ZNF462: variants seen among roughly 807,000 people sequenced by gnomAD.
ZNF462 encodes the protein zinc finger PBX1-interacting protein.
ZNF462 carries 10 observed loss-of-function variants against 201.9 expected under a neutral mutation model. The ratio of observed to expected loss-of-function variants is 0.05; its 90% CI spans 0.03 to 0.08. The LOEUF is 0.08. Ranked by LOEUF, ZNF462 falls within the 10% of genes least tolerant of loss-of-function variation. The pLI is 1.00. For missense variants in ZNF462, 2,523 were observed against 3,168.3 expected (o/e 0.80, Z 4.89); for synonymous variants, 1,227 against 1,193.3 (o/e 1.03, Z -0.58).
chr9:106,934,560 G>C (rs1430185642), intron 5 of ZNF462, among the ~76,000 whole-genome samples: 2 of 152,278 alleles, frequency 1.3e-5, no homozygotes, highest in East Asian at 3.9e-4. Context: ...ACTCTCTGAT[G>C]GGTTTGTTTA....
Position 106,974,495 on chromosome 9 carries a change from T to A in ZNF462, c.6832+222T>A. On this transcript the variant is annotated intron_variant, in intron 9 of 12. Transcript: ENST00000277225. This position sits in a 1 kb window ranked among gnomAD's most constrained non-coding sequence, Gnocchi z 4.0. ...CCTGGAGGGAGGCAAAGGTGATGGA[T>A]TCTGCAGTGAACATTTCCGTAGGGC... The A allele has an allele frequency of 7.9e-6, 5 of 635,972 alleles. No homozygotes were observed. The highest frequency in any genetic ancestry group is 1.4e-5 in the Non-Finnish European group (5 of 361,450). The allele number at this position is 635,972 out of a possible 1,614,324, so 39.4% of individuals were successfully genotyped here.
At position 106,981,054 on chromosome 9, in the gene ZNF462, A is replaced by T. The variant is rs1269712205; in HGVS notation, c.6833-3132A>T. Among the ~76,000 whole-genome samples, 4 of 152,070 alleles carry T rather than the reference A, an allele frequency of 2.6e-5. No individual in the cohort carries two copies. The highest frequency in any genetic ancestry group is 4.4e-5 in the Non-Finnish European group (3 of 68,002). ...TTAAAGTCTGTCTTTTTTTATTTTT[A>T]TCTTGGTCATGTTAACCATGTTTTT... On this transcript the variant is annotated intron_variant, in intron 9 of 12. Transcript: ENST00000277225. This position sits in a 1 kb window ranked among gnomAD's most constrained non-coding sequence, Gnocchi z 4.0.
rs1490928850 is a variant in ZNF462, at chr9:106,933,281, A to G, written c.6116+732A>G. 1 of 152,604 alleles carries G rather than the reference A, an allele frequency of 6.6e-6. No individual in the cohort carries two copies. The highest frequency in any genetic ancestry group is 1.5e-5 in the Non-Finnish European group (1 of 68,344). The allele number at this position is 152,604 out of a possible 1,614,324, so 9.5% of individuals were successfully genotyped here. On this transcript the variant is annotated intron_variant, in intron 5 of 12. Coordinates refer to ENST00000277225, the MANE Select transcript of ZNF462 (RefSeq NM_021224.6). This position sits in a 1 kb window ranked among gnomAD's most constrained non-coding sequence, Gnocchi z 4.3. ...AACAATTTTTTTAATGAAATAAATG[A>G]TGGACTATTTGCTTCTTACAAAAGA...
intron 11 of ZNF462, among the ~76,000 whole-genome samples, chr9:107,004,707 C>A (rs1334463000): frequency 6.6e-6 from 1 of 152,034 alleles, no homozygotes; most frequent in African/African-American, 2.4e-5. Flanking sequence ...ACCTCACATA[C>A]TTGTCATTTT....
At chr9:106,882,384 CAG>C (rs1413413380) in intron 1 of ZNF462, among the ~76,000 whole-genome samples, 2 of 152,196 alleles carry the variant, frequency 1.3e-5, no homozygotes, top group East Asian at 1.9e-4. Context: ...ATATCTGAAA[CAG>C]AATAGTCTCT....
rs1829934161 is a variant in ZNF462, at chr9:106,920,192, T to C, written c.-30-3162T>C. 6.6e-6 allele frequency among the ~76,000 whole-genome samples: 1 copy of C among 152,068 alleles called. No homozygotes were observed. The highest frequency in any genetic ancestry group is 1.5e-5 in the Non-Finnish European group (1 of 68,004). On this transcript the variant is annotated intron_variant, in intron 1 of 12. Transcript: ENST00000277225. The surrounding 1 kb of genome is among the most constrained non-coding windows in gnomAD (Gnocchi z 4.3). ...GGTTTCTTAGAGGATTACCATCTGC[T>C]GCAAAAACATATGAATGGGTCATCG...
chr9:106,870,867 A>C lies in ZNF462; in HGVS notation c.-31+7512A>C, dbSNP rs1014298687. On this transcript the variant is annotated intron_variant, in intron 1 of 12. Transcript: ENST00000277225. The surrounding 1 kb of genome is among the most constrained non-coding windows in gnomAD (Gnocchi z 4.3). ...TCTTAAGTTCTCGTCTGAGCAGTTGAACCAGAACACACGCTAAGGCCTCCA... is the reference window on the plus strand; with the variant it reads ...TCTTAAGTTCTCGTCTGAGCAGTTGCACCAGAACACACGCTAAGGCCTCCA... Among the ~76,000 whole-genome samples, 2 of 152,192 alleles carry C rather than the reference A, an allele frequency of 1.3e-5. No homozygotes were observed. The highest frequency in any genetic ancestry group is 2.9e-5 in the Non-Finnish European group (2 of 68,028).
At chr9:106,914,961 T>C (rs1215412329) in intron 1 of ZNF462, among the ~76,000 whole-genome samples, 1 of 152,094 alleles carries the variant, frequency 6.6e-6, no homozygotes, top group African/African-American at 2.4e-5. Flanking sequence ...GGAATGAATT[T>C]AATCAGGAAA....
Position 106,972,390 on chromosome 9 carries a change from T to A in ZNF462, c.6695+118T>A, listed in dbSNP as rs1169782260. ...CTTATGGGAGGCCCTGCCCATGTGA[T>A]GATGTAGGGGTTGGGTCCAGGCTTC... On this transcript the variant is annotated intron_variant, in intron 8 of 12. Coordinates refer to ENST00000277225, the MANE Select transcript of ZNF462 (RefSeq NM_021224.6). The surrounding 1 kb of genome is among the most constrained non-coding windows in gnomAD (Gnocchi z 4.8). The A allele has an allele frequency of 7.1e-7, 1 of 1,414,370 alleles. No individual in the cohort carries two copies. Among genetic ancestry groups the A allele is most frequent in the African/African-American group, 1.4e-5 (1 of 69,598 alleles). 87.6% of individuals were successfully genotyped at this position (1,414,370 alleles called of 1,614,324 possible). A position where few individuals can be genotyped will look rare whatever the true frequency, so the allele number is the denominator to read the frequency against.
In ZNF462 at chr9:106,927,523, C is replaced by G. The variant is rs964846716; in HGVS notation, c.3611C>G (p.Thr1204Arg). 1 of 1,613,724 alleles carries G rather than the reference C, an allele frequency of 6.2e-7. No individual in the cohort carries two copies. Among genetic ancestry groups the G allele is most frequent in the South Asian group, 1.1e-5 (1 of 91,040 alleles). Residue 1204 changes from threonine (T) to arginine (R), a missense_variant, in exon 3 of 13, where the codon ACG becomes AGG. Thr to Arg is a moderately conservative substitution (Grantham distance 71). Coordinates refer to ENST00000277225, the MANE Select transcript of ZNF462 (RefSeq NM_021224.6). Reference sequence around the variant, plus strand: ...CAGCACTGTGATTATGGGAACCGGACGGTCAAAGGGGTACTCATTCATTAT... The same window carrying G: ...CAGCACTGTGATTATGGGAACCGGAGGGTCAAAGGGGTACTCATTCATTAT... Reference protein sequence around the residue: ...FCQHCDYGNRTVKGVLIHYQK... With the variant: ...FCQHCDYGNRRVKGVLIHYQK...
rs1411644965 is a variant in ZNF462, at chr9:107,013,538, AAAAC to A, written c.*2512_*2515del. ...AAGCCAAGGGTTTAAAAACAAAACA[AAAAC>A]AAAAAAAACCACAAGTAGGTTATTC... On this transcript the variant is annotated 3_prime_UTR_variant, in exon 13 of 13. Coordinates refer to ENST00000277225, the MANE Select transcript of ZNF462 (RefSeq NM_021224.6). 6.6e-6 allele frequency: 1 copy of A among 152,224 alleles called. No individual in the cohort carries two copies. Among genetic ancestry groups the A allele is most frequent in the Non-Finnish European group, 1.5e-5 (1 of 68,036 alleles). 9.4% of individuals were successfully genotyped at this position (152,224 alleles called of 1,614,324 possible).
Position 106,954,060 on chromosome 9 carries a change from A to G in ZNF462, c.6427+14953A>G, listed in dbSNP as rs557010261. Among the ~76,000 whole-genome samples, 11 of 152,264 alleles carry G rather than the reference A, an allele frequency of 7.2e-5. No individual in the cohort carries two copies. In the South Asian group the frequency reaches 1.7e-3, roughly 23 times the overall value. ...ACCTGCAAAGTCCTCCATTCATTCT[A>G]TTCTAAGCAAGGTTAAGAGTTCAAA... On this transcript the variant is annotated intron_variant, in intron 7 of 12. Transcript: ENST00000277225. This position sits in a 1 kb window ranked among gnomAD's most constrained non-coding sequence, Gnocchi z 4.0.
At chr9:106,863,091 TGAGAGG>T (rs1489096771), upstream of ZNF462, 11 of 322,976 alleles carry the variant, frequency 3.4e-5, no homozygotes, top group South Asian at 3.6e-4. Flanking sequence ...AGAGAGAGAG[TGAGAGG>T]GAGAGGGAGG....
chr9:106,976,768 T>C (rs1827031086), intron 9 of ZNF462: 1 of 152,240 alleles, frequency 6.6e-6, no homozygotes, highest in Non-Finnish European at 1.5e-5. Context: ...TGCTAAGTGC[T>C]TTACAGTATG....
chr9:106,875,612 A>G (rs1172441891), intron 1 of ZNF462, among the ~76,000 whole-genome samples: 1 of 152,150 alleles, frequency 6.6e-6, no homozygotes, highest in Non-Finnish European at 1.5e-5. Context: ...AGTGTATTCT[A>G]GTATAAAAAA....
chr9:106,984,269 A>G lies in ZNF462; in HGVS notation c.6916A>G (p.Thr2306Ala), dbSNP rs1369944234. 6.2e-7 allele frequency: 1 copy of G among 1,614,084 alleles called. No homozygotes were observed. The highest frequency in any genetic ancestry group is 8.5e-7 in the Non-Finnish European group (1 of 1,179,994). ...AGTAGTTTTCCGCTGTGATAAGTGT[A>G]CCTTCACCTGCTCCAGTGATGAGAG... ...QGVVFRCDKC[T>A]FTCSSDESLQ... The change falls in exon 10 of 13, where the codon ACC becomes GCC. Residue 2306 changes from threonine (T) to alanine (A), a missense_variant. Physicochemically the swap from Thr to Ala is moderately conservative, Grantham distance 58. Around this residue, in one of 15 missense-constraint regions of ZNF462, gnomAD observed 228 missense variants for 361.2 expected, o/e 0.63. Transcript: ENST00000277225. The surrounding 1 kb of genome is among the most constrained non-coding windows in gnomAD (Gnocchi z 6.4).
At chr9:106,937,375 A>G (rs1830675991) in intron 6 of ZNF462, among the ~76,000 whole-genome samples, 1 of 152,200 alleles carries the variant, frequency 6.6e-6, no homozygotes, top group South Asian at 2.1e-4. Flanking sequence ...CAGGAAAATA[A>G]TAATCTCGGA....
chr9:106,883,297 A>T lies in ZNF462; in HGVS notation c.-31+19942A>T, dbSNP rs1828182853. ...CATATGCTTCCTGGAACGCATTCTA[A>T]TATAAAGTATGTGTTAAAGCAAGAC... On this transcript the variant is annotated intron_variant, in intron 1 of 12. Transcript: ENST00000277225. This position sits in a 1 kb window ranked among gnomAD's most constrained non-coding sequence, Gnocchi z 4.9. Among the ~76,000 whole-genome samples, 1 of 152,228 alleles carries T rather than the reference A, an allele frequency of 6.6e-6. No individual in the cohort carries two copies. The highest frequency in any genetic ancestry group is 6.5e-5 in the Admixed American group (1 of 15,280).
At chr9:106,903,881 T>A (rs1380173196) in intron 1 of ZNF462, among the ~76,000 whole-genome samples, 1 of 152,256 alleles carries the variant, frequency 6.6e-6, no homozygotes, top group East Asian at 1.9e-4. Flanking sequence ...TCTGTGGTTC[T>A]GTATCTTTTA....
Sources: gnomAD v4.1 joint callset for allele counts (sites outside exome capture counted in the v4.1 genomes callset) on GRCh38, gnomAD v4.1.1 for gene constraint, gnomAD v4.1.1 regional missense constraint, Gnocchi (gnomAD v3.1) non-coding constraint, MANE v1.5 for transcripts, NCBI Gene and HGNC (gene_info 2026-07-23, HGNC 2026-07-21) for gene names.